The following NFATC3 variants were observed in gnomAD, a reference collection of about 807,000 sequenced individuals.
NFATC3 encodes the protein nuclear factor of activated T-cells, cytoplasmic 3.
Under a neutral mutation model 98.6 loss-of-function variants are expected in NFATC3, and 46 were observed. That is an observed-to-expected ratio of 0.47 (90% CI 0.37 to 0.60). The LOEUF (loss-of-function observed/expected upper bound fraction) is 0.60, where lower values mean the gene tolerates loss of function less well. Ranked by LOEUF, NFATC3 falls within the 20% of genes least tolerant of loss-of-function variation. NFATC3 has a pLI of 0.00. For synonymous variants in NFATC3, 512 were observed against 472.2 expected (o/e 1.08, Z -1.09); for missense variants, 1,256 against 1,295.5 (o/e 0.97, Z 0.47).
chr16:68,135,073 C>T (rs1461642459), intron 3 of NFATC3, among the ~76,000 whole-genome samples: 2 of 151,380 alleles, frequency 1.3e-5, no homozygotes, highest in Admixed American at 6.6e-5. Flanking sequence ...TGGGGTTTTA[C>T]ACATCCACGA....
At chr16:68,160,458 T>C (rs189312443) in intron 4 of NFATC3, among the ~76,000 whole-genome samples, 1 of 152,138 alleles carries the variant, frequency 6.6e-6, no homozygotes. Context: ...GAGTGAGACT[T>C]AGTCTCAAAA....
At chr16:68,189,076 C>T (rs1187294335) in intron 8 of NFATC3, among the ~76,000 whole-genome samples, 1 of 152,116 alleles carries the variant, frequency 6.6e-6, no homozygotes, top group Non-Finnish European at 1.5e-5. Flanking sequence ...ACTGTTCTTT[C>T]CCCCATTGAA....
chr16:68,143,487 A>G (rs2037868093), intron 3 of NFATC3, among the ~76,000 whole-genome samples: 1 of 152,158 alleles, frequency 6.6e-6, no homozygotes, highest in African/African-American at 2.4e-5. Flanking sequence ...CATAAGGCAA[A>G]AGAATAAACC....
intron 9 of NFATC3, among the ~76,000 whole-genome samples, chr16:68,192,454 G>A (rs2040485919): frequency 6.6e-6 from 1 of 151,508 alleles, no homozygotes; most frequent in Admixed American, 6.6e-5. Flanking sequence ...TATATAGTGA[G>A]ATCACAGTGT....
chr16:68,218,489 C>T (rs1469511658), intron 9 of NFATC3, among the ~76,000 whole-genome samples: 1 of 140,750 alleles, frequency 7.1e-6, no homozygotes, highest in Admixed American at 7.0e-5. Context: ...TGCACTCCAG[C>T]CTGGGCGACA....
chr16:68,164,248 G>A (rs1054187870), intron 4 of NFATC3, among the ~76,000 whole-genome samples: 2 of 152,206 alleles, frequency 1.3e-5, no homozygotes, highest in African/African-American at 4.8e-5. Flanking sequence ...AAAAAAATAC[G>A]AAAACCAGTC....
In NFATC3 at chr16:68,085,601, G is replaced by T; in HGVS notation, c.-81G>T. Reference sequence around the variant, plus strand: ...TGGCCCGCGCGGCCCGGCATGAAGCGGCGTTGAGGAGCTGCTGCCGCCGCT... The same window carrying T: ...TGGCCCGCGCGGCCCGGCATGAAGCTGCGTTGAGGAGCTGCTGCCGCCGCT... On this transcript the variant is annotated 5_prime_UTR_variant, in exon 1 of 10. Transcript: ENST00000346183. 2.6e-5 allele frequency: 33 copies of T among 1,250,518 alleles called. No individual in the cohort carries two copies. Among genetic ancestry groups the T allele is most frequent in the Non-Finnish European group, 3.3e-5 (31 of 933,568 alleles). 77.5% of individuals were successfully genotyped at this position (1,250,518 alleles called of 1,614,324 possible). A position where few individuals can be genotyped will look rare whatever the true frequency, so the allele number is the denominator to read the frequency against.
chr16:68,195,585 G>A (rs1190120385), intron 9 of NFATC3, among the ~76,000 whole-genome samples: 1 of 152,064 alleles, frequency 6.6e-6, no homozygotes, highest in Non-Finnish European at 1.5e-5. Flanking sequence ...GAGGTGGGCG[G>A]ATCACGAGGT....
intron 9 of NFATC3, chr16:68,225,178 C>G (rs1226018348): frequency 1.3e-5 from 2 of 152,068 alleles, no homozygotes; most frequent in African/African-American, 4.8e-5. Context: ...TCTCAAACTC[C>G]CGACCTCAGG....
At chr16:68,158,096 AG>A (rs766843836) in intron 4 of NFATC3, 28 bp downstream of exon 4, 183 of 1,493,322 alleles carry the variant, frequency 1.2e-4, no homozygotes, top group Middle Eastern at 1.7e-4. Flanking sequence ...TAAAATGTGC[AG>A]TTCTTTTTTT....
chr16:68,104,856 A>G (rs2035568818), intron 1 of NFATC3, among the ~76,000 whole-genome samples: 1 of 151,628 alleles, frequency 6.6e-6, no homozygotes, highest in Non-Finnish European at 1.5e-5. Flanking sequence ...GGGCTTCACC[A>G]TGTTAGCCAG....
Position 68,177,645 on chromosome 16 carries a change from T to C in NFATC3, c.1915+3131T>C, listed in dbSNP as rs2039776119. 1.3e-5 allele frequency among the ~76,000 whole-genome samples: 2 copies of C among 152,168 alleles called. 1 individual carries two copies. Among genetic ancestry groups the C allele is most frequent in the Admixed American group, 1.3e-4 (2 of 15,292 alleles). On this transcript the variant is annotated intron_variant, in intron 6 of 9. Transcript: ENST00000346183. ...ATTTTAATGTTTTCATTCTTTTGTC[T>C]TTTTAAAACTTAAGTATTAAAGGCT...
chr16:68,167,810 C>CTTTTTTTTT lies in NFATC3; in HGVS notation c.1774+826_1774+834dup. 9.4e-3 allele frequency among the ~76,000 whole-genome samples: 224 copies of CTTTTTTTTT among 23,906 alleles called. 87 individuals carry two copies. Among genetic ancestry groups the CTTTTTTTTT allele is most frequent in the Non-Finnish European group, 0.018 (163 of 9,300 alleles). The allele number at this position is 23,906 out of a possible 152,430, so 15.7% of individuals were successfully genotyped here. A position where few individuals can be genotyped will look rare whatever the true frequency, so the allele number is the denominator to read the frequency against. ...TTTATATCTGTTAACCGTATGTGTT[C>CTTTTTTTTT]TTTTTTTTTTTTTTTTTTTTTTTTT... is the stretch of plus-strand genomic sequence containing the variant. On this transcript the variant is annotated intron_variant, in intron 5 of 9. Transcript: ENST00000346183.
chr16:68,190,941 A>G lies in NFATC3; in HGVS notation c.2272A>G (p.Met758Val), dbSNP rs2040403528. The G allele has an allele frequency of 1.9e-6, 3 of 1,614,100 alleles. No individual in the cohort carries two copies. Among genetic ancestry groups the G allele is most frequent in the African/African-American group, 2.7e-5 (2 of 74,926 alleles). Residue 758 changes from methionine to valine, a missense_variant, in exon 9 of 10, where the codon ATG becomes GTG. Around this residue, in one of 3 missense-constraint regions of NFATC3, gnomAD observed 636 missense variants for 617.3 expected, o/e 1.03. Coordinates refer to ENST00000346183, the MANE Select transcript of NFATC3 (RefSeq NM_173165.3). Reference protein sequence around the residue: ...ICSIPQTYASMVTSSHLPQLQ... With the variant: ...ICSIPQTYASVVTSSHLPQLQ... ...CTCCATCCCACAAACATATGCATCC[A>G]TGGTGACCTCATCCCATCTGCCACA...
intron 1 of NFATC3, among the ~76,000 whole-genome samples, chr16:68,093,380 A>G (rs143865622): frequency 6.6e-6 from 1 of 152,212 alleles, no homozygotes; most frequent in East Asian, 1.9e-4. Flanking sequence ...ACTCAAATTG[A>G]CCTGCCCAAG....
chr16:68,219,492 A>T (rs919536436), intron 9 of NFATC3, among the ~76,000 whole-genome samples: 6 of 152,164 alleles, frequency 3.9e-5, no homozygotes, highest in Non-Finnish European at 7.4e-5. Context: ...GCTTGAGCCT[A>T]GGAGTTCACG....
chr16:68,174,664 A>G (rs2039606367), intron 6 of NFATC3, 150 bp downstream of exon 6: 2 of 614,666 alleles, frequency 3.3e-6, no homozygotes, highest in South Asian at 4.6e-5. Context: ...CCAAACATTT[A>G]TTAAATTTTC....
chr16:68,120,935 AAC>A (rs1172772900), intron 1 of NFATC3, among the ~76,000 whole-genome samples: 1 of 152,186 alleles, frequency 6.6e-6, no homozygotes, highest in Non-Finnish European at 1.5e-5. Context: ...GAGAATTCTT[AAC>A]ACAGACTTTT....
intron 2 of NFATC3, among the ~76,000 whole-genome samples, chr16:68,123,536 T>G (rs2036662211): frequency 6.6e-6 from 1 of 151,048 alleles, no homozygotes; most frequent in African/African-American, 2.4e-5. Flanking sequence ...CATAGTGATG[T>G]CTGCCTGTAG....
Sources: allele counts gnomAD v4.1 joint callset (sites outside exome capture counted in the v4.1 genomes callset), GRCh38; gene constraint gnomAD v4.1.1; regional missense constraint gnomAD v4.1.1; transcripts MANE v1.5; gene names NCBI Gene and HGNC (gene_info 2026-07-23, HGNC 2026-07-21).